GALNT13: variants seen among roughly 807,000 people sequenced by gnomAD.
GALNT13 encodes the protein polypeptide N-acetylgalactosaminyltransferase 13.
In GALNT13, 28 loss-of-function variants were observed where a neutral mutation model predicts 64.2. The ratio of observed to expected loss-of-function variants is 0.44; its 90% CI spans 0.32 to 0.60. The LOEUF is 0.60. Among genes scored for constraint, GALNT13 ranks in the 20% least tolerant of loss-of-function variants. GALNT13 has a pLI of 0.05. For missense variants in GALNT13, 577 were observed against 669.8 expected, an observed-to-expected ratio of 0.86 and a Z score of 1.53; for synonymous variants, 214 against 224.6, an observed-to-expected ratio of 0.95 and a Z score of 0.42.
the GALNT13 span, among the ~76,000 whole-genome samples, chr2:153,661,061 C>T: frequency 1.9e-4 from 29 of 151,824 alleles, no homozygotes; most frequent in Admixed American, 2.6e-4. Context: ...GCTTCAGCAG[C>T]GTACAAATCT....
the GALNT13 span, among the ~76,000 whole-genome samples, chr2:153,378,023 T>C: frequency 6.6e-6 from 1 of 152,194 alleles, no homozygotes; most frequent in African/African-American, 2.4e-5. Flanking sequence ...TCTTTGCCAT[T>C]TTCTTTGCTG....
chr2:153,151,691 G>T, the GALNT13 span, among the ~76,000 whole-genome samples: 1 of 152,086 alleles, frequency 6.6e-6, no homozygotes, highest in Non-Finnish European at 1.5e-5. Context: ...GGATGTGGAT[G>T]AAGCTGGAAA....
chr2:154,151,851 T>A (rs1371321219), intron 4 of GALNT13, among the ~76,000 whole-genome samples: 1 of 152,188 alleles, frequency 6.6e-6, no homozygotes, highest in Non-Finnish European at 1.5e-5. Flanking sequence ...GTTTCCTGAA[T>A]ACAGCACACT....
chr2:153,519,464 T>C, the GALNT13 span, among the ~76,000 whole-genome samples: 10 of 152,182 alleles, frequency 6.6e-5, no homozygotes, highest in Admixed American at 2.6e-4. Context: ...AATGATGGAT[T>C]GCAGCGCCAC....
chr2:154,183,069 A>G (rs1686050888), intron 4 of GALNT13, among the ~76,000 whole-genome samples: 1 of 152,106 alleles, frequency 6.6e-6, no homozygotes, highest in South Asian at 2.1e-4. Flanking sequence ...TGTTCCTCCT[A>G]TTTAATTTTT....
the GALNT13 span, among the ~76,000 whole-genome samples, chr2:153,572,136 A>AT: frequency 6.6e-6 from 1 of 151,634 alleles, no homozygotes; most frequent in African/African-American, 2.4e-5. Flanking sequence ...CCATTGGTAT[A>AT]TTCAGGTTTC....
At chr2:153,132,244 G>C in the GALNT13 span, among the ~76,000 whole-genome samples, 186 of 152,074 alleles carry the variant, frequency 1.2e-3, 2 homozygotes, top group African/African-American at 4.2e-3. Context: ...TTAAGCTGGT[G>C]GGGGAGAAAT....
the GALNT13 span, among the ~76,000 whole-genome samples, chr2:153,165,999 G>A: frequency 6.6e-6 from 1 of 152,148 alleles, no homozygotes; most frequent in African/African-American, 2.4e-5. Context: ...TACCGACACA[G>A]GAAGCTATAA....
chr2:153,936,412 C>T (rs888340204), intron 2 of GALNT13, among the ~76,000 whole-genome samples: 17 of 152,092 alleles, frequency 1.1e-4, no homozygotes, highest in Admixed American at 1.1e-3. Flanking sequence ...CAACAAATGG[C>T]ACAACATTGC....
At chr2:154,136,369 C>T (rs937216937) in intron 3 of GALNT13, among the ~76,000 whole-genome samples, 1 of 152,072 alleles carries the variant, frequency 6.6e-6, no homozygotes, top group African/African-American at 2.4e-5. Flanking sequence ...TAAAATCAAT[C>T]AACTTGAAAT....
At chr2:153,495,988 G>C in the GALNT13 span, among the ~76,000 whole-genome samples, 2 of 151,872 alleles carry the variant, frequency 1.3e-5, no homozygotes, top group East Asian at 3.9e-4. Flanking sequence ...GTTCCTACTG[G>C]CTGAACTGAC....
At chr2:154,005,680 G>A (rs1349198722) in intron 3 of GALNT13, among the ~76,000 whole-genome samples, 1 of 151,958 alleles carries the variant, frequency 6.6e-6, no homozygotes, top group Non-Finnish European at 1.5e-5. Flanking sequence ...ACAAATATAA[G>A]TAAGGGGAAA....
intron 4 of GALNT13, among the ~76,000 whole-genome samples, chr2:154,147,519 T>G (rs965275364): frequency 1.7e-4 from 26 of 151,680 alleles, no homozygotes; most frequent in African/African-American, 5.6e-4. Context: ...TTGTGTAGAA[T>G]CAGGCTGACA....
the GALNT13 span, among the ~76,000 whole-genome samples, chr2:153,726,969 C>G: frequency 2.2e-4 from 33 of 150,692 alleles, no homozygotes; most frequent in Admixed American, 6.0e-4. Flanking sequence ...AAAAAAAAAC[C>G]ACACATATTA....
At chr2:153,869,043 C>T (rs74373834), upstream of GALNT13, among the ~76,000 whole-genome samples, 3,082 of 152,142 alleles carry the variant, frequency 0.02, 115 homozygotes, top group African/African-American at 0.07. Flanking sequence ...TACCCCTCAC[C>T]AAAATTTACC....
the GALNT13 span, among the ~76,000 whole-genome samples, chr2:153,666,150 A>G: frequency 2.0e-5 from 3 of 151,904 alleles, no homozygotes; most frequent in Non-Finnish European, 2.9e-5. Flanking sequence ...GGCCACTTCT[A>G]TAACTCCTTT....
At chr2:153,117,860 C>T in the GALNT13 span, among the ~76,000 whole-genome samples, 2 of 152,060 alleles carry the variant, frequency 1.3e-5, no homozygotes, top group Admixed American at 1.3e-4. Flanking sequence ...GTCCGAAGAG[C>T]TGGAAATCAT....
At position 154,070,186 on chromosome 2, in the gene GALNT13, G is replaced by A. The variant is rs145625285; in HGVS notation, c.143-70151G>A. The stretch of plus-strand genomic sequence containing the variant: ...GAATTCATAGTCACTCATTTATTGA[G>A]CCTATCACAAAGTAGAGTTCTTTAT... On this transcript the variant is annotated intron_variant, in intron 3 of 12. Coordinates refer to ENST00000392825, the MANE Select transcript of GALNT13 (RefSeq NM_052917.4). Among the ~76,000 whole-genome samples the A allele has an allele frequency of 2.4e-3, 366 of 152,172 alleles. 8 individuals are homozygous for A. In the East Asian group the frequency reaches 0.055, roughly 23 times the overall value.
At chr2:154,100,812 C>T (rs906925162) in intron 3 of GALNT13, among the ~76,000 whole-genome samples, 6 of 151,980 alleles carry the variant, frequency 3.9e-5, no homozygotes, top group Non-Finnish European at 5.9e-5. Flanking sequence ...TCAACCTTTC[C>T]CCATTCGGTC....
Sources: allele counts gnomAD v4.1 joint callset (sites outside exome capture counted in the v4.1 genomes callset), GRCh38; gene constraint gnomAD v4.1.1; transcripts MANE v1.5; gene names NCBI Gene and HGNC (gene_info 2026-07-23, HGNC 2026-07-21).